Variants in C1orf210 observed in about 807,000 individuals in gnomAD.
C1orf210 encodes chromosome 1 open reading frame 210.
Under a neutral mutation model 3.7 loss-of-function variants are expected in C1orf210, and 3 were observed. That is an observed-to-expected ratio of 0.81 (90% confidence interval 0.37 to 2.08). The LOEUF (loss-of-function observed/expected upper bound fraction) is 2.08. Among genes scored for constraint, C1orf210 ranks in the 30% most tolerant of loss-of-function variants. The pLI is 0.06. For synonymous variants in C1orf210, 62 were observed against 61.7 expected (o/e 1.00, Z -0.02); for missense variants, 143 against 147.7 (o/e 0.97, Z 0.17).
intron 1 of C1orf210, among the ~76,000 whole-genome samples, chr1:43,284,379 G>T (rs1646566448): frequency 6.6e-6 from 1 of 152,026 alleles, no homozygotes; most frequent in Non-Finnish European, 1.5e-5. Context: ...TAGGAGAGAA[G>T]TTGAGGGGAG....
Position 43,282,172 on chromosome 1 carries a change from G to A in C1orf210, c.*613C>T, listed in dbSNP as rs1646550735. ...CCCAGCTACTCAGGAGGCTGAAGCA[G>A]GAGAATCGCTTGAACCCAGGAGGCG... On this transcript the variant is annotated 3_prime_UTR_variant, in exon 3 of 3. Coordinates refer to ENST00000523677, the MANE Select transcript of C1orf210 (RefSeq NM_182517.3). 6.6e-6 allele frequency: 1 copy of A among 152,318 alleles called. No homozygotes were observed. The highest frequency in any genetic ancestry group is 1.5e-5 in the Non-Finnish European group (1 of 68,176). The allele number at this position is 152,318 out of a possible 1,614,324, so 9.4% of individuals were successfully genotyped here.
intron 1 of C1orf210, among the ~76,000 whole-genome samples, chr1:43,284,506 C>T (rs1443109362): frequency 6.6e-6 from 1 of 152,060 alleles, no homozygotes; most frequent in Non-Finnish European, 1.5e-5. Flanking sequence ...TGACAATACC[C>T]TCTTCTCCAC....
intron 1 of C1orf210, among the ~76,000 whole-genome samples, chr1:43,284,579 G>C (rs1646568313): frequency 6.6e-6 from 1 of 151,940 alleles, no homozygotes; most frequent in Non-Finnish European, 1.5e-5. Flanking sequence ...TCTCCTAACT[G>C]GGCTCCCCAC....
At chr1:43,284,544 C>A (rs1038609128) in intron 1 of C1orf210, among the ~76,000 whole-genome samples, 5 of 152,096 alleles carry the variant, frequency 3.3e-5, no homozygotes, top group Non-Finnish European at 7.3e-5. Flanking sequence ...GTCCAAGCCA[C>A]CTTCCTCTTG....
chr1:43,282,962 G>A lies in C1orf210; in HGVS notation c.165C>T (p.His55=), dbSNP rs758054296. The change falls in exon 3 of 3, where the codon CAC becomes CAT. Residue 55 remains histidine (H), a synonymous_variant. Coordinates refer to ENST00000523677, the MANE Select transcript of C1orf210 (RefSeq NM_182517.3). ...AGCTGGCATGGTATCGGCGGCAGAG[G>A]TGGCATTTGGCAGCAAGTGCAATGA... The part of the protein sequence containing the change: ...SLLIALAAKC[H]LCRRYHASYR... The A allele has an allele frequency of 1.2e-6, 2 of 1,614,160 alleles. No homozygotes were observed. The highest frequency in any genetic ancestry group is 1.7e-6 in the Non-Finnish European group (2 of 1,180,002).
In C1orf210 at chr1:43,283,302, C is replaced by T; in HGVS notation, c.-32G>A. 6.2e-7 allele frequency: 1 copy of T among 1,612,586 alleles called. No homozygotes were observed. On this transcript the variant is annotated 5_prime_UTR_variant, in exon 2 of 3. Transcript: ENST00000523677. ...GCCTGATGACACCAGTGAGTCTCAGCCTCAACCAGAAAGAGCCCTGGCTCT... is the reference window on the plus strand; with the variant it reads ...GCCTGATGACACCAGTGAGTCTCAGTCTCAACCAGAAAGAGCCCTGGCTCT...
chr1:43,285,114 A>T (rs769958724), intron 1 of C1orf210, among the ~76,000 whole-genome samples: 81 of 152,300 alleles, frequency 5.3e-4, no homozygotes, highest in Admixed American at 3.5e-3. Flanking sequence ...CCTGGGAAGG[A>T]GAGGTCAGCT....
chr1:43,284,424 A>AC (rs1331594207), intron 1 of C1orf210, among the ~76,000 whole-genome samples: 8 of 151,974 alleles, frequency 5.3e-5, no homozygotes, highest in African/African-American at 1.9e-4. Context: ...AGTGCCTTCA[A>AC]ACCCCCCCCA....
intron 1 of C1orf210, 92 bp from the exon 2 acceptor site, chr1:43,283,460 T>TTTTTTAA: frequency 1.5e-6 from 1 of 675,984 alleles, no homozygotes; most frequent in Non-Finnish European, 2.4e-6. Context: ...GCACAAACTC[T>TTTTTTAA]GGGGACTGGA....
At chr1:43,285,807 C>T (rs924411935), upstream of C1orf210, among the ~76,000 whole-genome samples, 1 of 152,232 alleles carries the variant, frequency 6.6e-6, no homozygotes, top group Non-Finnish European at 1.5e-5. Flanking sequence ...GCGGTTTGTA[C>T]AGCTGGGATC....
intron 1 of C1orf210, among the ~76,000 whole-genome samples, chr1:43,285,139 C>T (rs1180597963): frequency 6.6e-6 from 1 of 152,210 alleles, no homozygotes; most frequent in African/African-American, 2.4e-5. Context: ...ATTCATTCCT[C>T]AGCCTGCTGT....
Position 43,283,285 on chromosome 1 carries a change from A to G in C1orf210, c.-15T>C. 1 of 1,613,864 alleles carries G rather than the reference A, an allele frequency of 6.2e-7. No individual in the cohort carries two copies. The highest frequency in any genetic ancestry group is 8.5e-7 in the Non-Finnish European group (1 of 1,179,880). Reference sequence around the variant, plus strand: ...GTCTCATTCATGGAGGGGCCTGATGACACCAGTGAGTCTCAGCCTCAACCA... The same window carrying G: ...GTCTCATTCATGGAGGGGCCTGATGGCACCAGTGAGTCTCAGCCTCAACCA... On this transcript the variant is annotated 5_prime_UTR_variant, in exon 2 of 3. Transcript: ENST00000523677.
In C1orf210 at chr1:43,283,342, A is replaced by G. The variant is rs990646525; in HGVS notation, c.-72T>C. 1.9e-6 allele frequency: 3 copies of G among 1,586,588 alleles called. No individual in the cohort carries two copies. The highest frequency in any genetic ancestry group is 2.6e-6 in the Non-Finnish European group (3 of 1,167,462). On this transcript the variant is annotated 5_prime_UTR_variant, in exon 2 of 3. Transcript: ENST00000523677. ...GCCCTGGCTCTGAGGAGGCCCCCAG[A>G]TGCCAGGCAGCCCCAGGGCACAAGT...
Position 43,282,452 on chromosome 1 carries a change from G to A in C1orf210, c.*333C>T, listed in dbSNP as rs1646552453. On this transcript the variant is annotated 3_prime_UTR_variant, in exon 3 of 3. Coordinates refer to ENST00000523677, the MANE Select transcript of C1orf210 (RefSeq NM_182517.3). ...GGAAACTGCATGGGAAGTGGTGGGA[G>A]GGAGAATAACATTGATTTCGACAGT... The A allele has an allele frequency of 4.0e-6, 1 of 250,818 alleles. No homozygotes were observed. Among genetic ancestry groups the A allele is most frequent in the Middle Eastern group, 1.2e-3 (1 of 836 alleles). The allele number at this position is 250,818 out of a possible 1,614,324, so 15.5% of individuals were successfully genotyped here.
chr1:43,285,260 C>T (rs1391225471), intron 1 of C1orf210, among the ~76,000 whole-genome samples, 184 bp downstream of exon 1: 1 of 152,132 alleles, frequency 6.6e-6, no homozygotes. Flanking sequence ...TCCTCCCTGC[C>T]CTGTGAATTC....
In C1orf210 at chr1:43,283,046, C is replaced by A; in HGVS notation, c.81G>T (p.Gly27=). The change falls in exon 3 of 3, where the codon GGG becomes GGT. Residue 27 remains glycine, a synonymous_variant. Coordinates refer to ENST00000523677, the MANE Select transcript of C1orf210 (RefSeq NM_182517.3). ...ASAVAPGPGT[G]ARAWPVLVGF... Reference sequence around the variant, plus strand: ...CTACCAGCACAGGCCATGCCCGAGCCCCAGTGCCTGGGCCAGGGGCCACAG... The same window carrying A: ...CTACCAGCACAGGCCATGCCCGAGCACCAGTGCCTGGGCCAGGGGCCACAG... The A allele has an allele frequency of 6.2e-7, 1 of 1,614,128 alleles. No homozygotes were observed. Among genetic ancestry groups the A allele is most frequent in the Non-Finnish European group, 8.5e-7 (1 of 1,179,980 alleles).
In C1orf210 at chr1:43,282,729, C is replaced by T. The variant is rs1326407606; in HGVS notation, c.*56G>A. ...AGGTTCAAGGCCCCCATGTCATAACCACTGTCCTTAAGCTGTCAGGCATGG... is the reference window on the plus strand; with the variant it reads ...AGGTTCAAGGCCCCCATGTCATAACTACTGTCCTTAAGCTGTCAGGCATGG... On this transcript the variant is annotated 3_prime_UTR_variant, in exon 3 of 3. Transcript: ENST00000523677. 6.7e-7 allele frequency: 1 copy of T among 1,487,120 alleles called. No individual in the cohort carries two copies. Among genetic ancestry groups the T allele is most frequent in the Non-Finnish European group, 9.2e-7 (1 of 1,092,656 alleles). The allele number at this position is 1,487,120 out of a possible 1,614,324, so 92.1% of individuals were successfully genotyped here. A position where few individuals can be genotyped will look rare whatever the true frequency, so the allele number is the denominator to read the frequency against.
intron 2 of C1orf210, 69 bp downstream of exon 2, chr1:43,283,183 G>A (rs1646558421): frequency 2.5e-6 from 4 of 1,598,688 alleles, no homozygotes; most frequent in Non-Finnish European, 3.4e-6. Context: ...GTGCAGGTAG[G>A]GTCCTTCCCC....
intron 2 of C1orf210, 42 bp from the exon 3 acceptor site, chr1:43,283,149 G>T: frequency 1.3e-6 from 2 of 1,599,324 alleles, no homozygotes; most frequent in Middle Eastern, 1.7e-4. Flanking sequence ...CCCCAGAGGG[G>T]GCTCCCTGGA....
Sources: gnomAD v4.1 joint callset for allele counts (sites outside exome capture counted in the v4.1 genomes callset) on GRCh38, gnomAD v4.1.1 for gene constraint, MANE v1.5 for transcripts, NCBI Gene and HGNC (gene_info 2026-07-23, HGNC 2026-07-21) for gene names.